SLC4A4: variants seen among roughly 807,000 people sequenced by gnomAD.
SLC4A4 encodes the protein electrogenic sodium bicarbonate cotransporter 1.
SLC4A4 carries 27 observed loss-of-function variants against 111.5 expected under a neutral mutation model. The ratio of observed to expected loss-of-function variants is 0.24; its 90% CI spans 0.18 to 0.33. The LOEUF is 0.33. SLC4A4 is among the 10% of genes least tolerant of loss of function. The pLI is 1.00. For synonymous variants in SLC4A4, 443 were observed against 463.4 expected, an observed-to-expected ratio of 0.96 and a Z score of 0.57; for missense variants, 909 against 1,315.5, an observed-to-expected ratio of 0.69 and a Z score of 4.78.
At chr4:71,112,793 G>A (rs1190774827) in intron 2 of SLC4A4, among the ~76,000 whole-genome samples, 1 of 152,144 alleles carries the variant, frequency 6.6e-6, no homozygotes, top group Non-Finnish European at 1.5e-5. Context: ...CCTGGTTAAT[G>A]GAATAATGTC....
chr4:71,418,525 A>G (rs1394628836), intron 7 of SLC4A4, among the ~76,000 whole-genome samples: 1 of 152,234 alleles, frequency 6.6e-6, no homozygotes, highest in Non-Finnish European at 1.5e-5. Flanking sequence ...TTTGGATTCT[A>G]TGGGCTATCA....
intron 2 of SLC4A4, among the ~76,000 whole-genome samples, chr4:71,254,670 T>G (rs1184839609): frequency 6.6e-6 from 1 of 152,080 alleles, no homozygotes; most frequent in South Asian, 2.1e-4. Flanking sequence ...AAAAAAGTTT[T>G]AATGTAAAGC....
chr4:71,475,187 C>A (rs529391095), intron 14 of SLC4A4, among the ~76,000 whole-genome samples: 127 of 151,774 alleles, frequency 8.4e-4, no homozygotes, highest in African/African-American at 3.0e-3. Flanking sequence ...TTGAGATATT[C>A]ATGAAGCCAG....
chr4:71,158,762 C>A (rs986786161), intron 2 of SLC4A4, among the ~76,000 whole-genome samples: 1 of 152,102 alleles, frequency 6.6e-6, no homozygotes, highest in Non-Finnish European at 1.5e-5. Context: ...TCATTGTGTT[C>A]GTGTTCTGGG....
chr4:71,098,038 A>T (rs1459858436), intron 2 of SLC4A4, among the ~76,000 whole-genome samples: 1 of 152,132 alleles, frequency 6.6e-6, no homozygotes, highest in Non-Finnish European at 1.5e-5. Flanking sequence ...ATTGGATCAC[A>T]TTTGTCAATT....
rs1354866718 is a variant in SLC4A4, at chr4:71,522,356, A to C, written c.2167-9706A>C. Among the ~76,000 whole-genome samples the C allele has an allele frequency of 3.9e-5, 6 of 152,370 alleles. No individual in the cohort carries two copies. In the East Asian group the frequency reaches 1.2e-3, roughly 29 times the overall value. On this transcript the variant is annotated intron_variant, in intron 16 of 25. Coordinates refer to ENST00000264485, the MANE Select transcript of SLC4A4 (RefSeq NM_001098484.3). Reference sequence around the variant, plus strand: ...TGTTCTTCCAGAGTCCTACACCAACAAATGATCATAAACATGGAACAAAGA... The same window carrying C: ...TGTTCTTCCAGAGTCCTACACCAACCAATGATCATAAACATGGAACAAAGA...
chr4:71,300,611 T>C, intron 3 of SLC4A4: 1 of 297,206 alleles, frequency 3.4e-6, no homozygotes, highest in Non-Finnish European at 6.8e-6. Flanking sequence ...CGTCTCTTCA[T>C]GAGCAGCTCT....
chr4:71,266,844 AT>A (rs1281799166), intron 3 of SLC4A4, among the ~76,000 whole-genome samples: 7 of 152,204 alleles, frequency 4.6e-5, no homozygotes, highest in Non-Finnish European at 1.0e-4. Context: ...CTTTAATCCA[AT>A]CTAAGAAATA....
chr4:71,498,669 T>A (rs1438750354), intron 16 of SLC4A4, among the ~76,000 whole-genome samples: 1 of 152,082 alleles, frequency 6.6e-6, no homozygotes, highest in Non-Finnish European at 1.5e-5. Flanking sequence ...AACAGAAGGG[T>A]TGATAATGAA....
chr4:71,292,187 G>A (rs1458794136), intron 3 of SLC4A4, among the ~76,000 whole-genome samples: 1 of 152,182 alleles, frequency 6.6e-6, no homozygotes, highest in African/African-American at 2.4e-5. Flanking sequence ...TAACTTAGGT[G>A]TAATTAGATG....
At chr4:71,394,635 T>C (rs1719632042) in intron 6 of SLC4A4, among the ~76,000 whole-genome samples, 1 of 152,154 alleles carries the variant, frequency 6.6e-6, no homozygotes, top group Admixed American at 6.6e-5. Context: ...AGAACTACTA[T>C]AGCAGCACAA....
chr4:71,298,037 C>T (rs920467089), intron 3 of SLC4A4, among the ~76,000 whole-genome samples: 2 of 152,218 alleles, frequency 1.3e-5, no homozygotes, highest in African/African-American at 2.4e-5. Context: ...TTCTGAGGCT[C>T]TGTTTCCATT....
At chr4:71,494,306 A>G (rs1411004487) in intron 15 of SLC4A4, among the ~76,000 whole-genome samples, 2 of 151,966 alleles carry the variant, frequency 1.3e-5, no homozygotes, top group African/African-American at 2.4e-5. Flanking sequence ...TTGTGTTCCC[A>G]TTTGTCTTGT....
chr4:71,465,650 G>A (rs1258449567), intron 12 of SLC4A4, among the ~76,000 whole-genome samples: 1 of 151,876 alleles, frequency 6.6e-6, no homozygotes, highest in African/African-American at 2.4e-5. Context: ...CCTGAGTGAC[G>A]TGATTAGGAA....
At chr4:71,079,593 T>C (rs763010058) in intron 1 of SLC4A4, among the ~76,000 whole-genome samples, 7 of 151,900 alleles carry the variant, frequency 4.6e-5, no homozygotes, top group Non-Finnish European at 8.8e-5. Context: ...CTGGGCAACA[T>C]AGCAAGACCC....
intron 3 of SLC4A4, among the ~76,000 whole-genome samples, chr4:71,325,265 C>A (rs1481653950): frequency 6.6e-6 from 1 of 151,704 alleles, no homozygotes; most frequent in Non-Finnish European, 1.5e-5. Flanking sequence ...TTGTTCAATG[C>A]AATTAGTTTG....
intron 3 of SLC4A4, among the ~76,000 whole-genome samples, chr4:71,283,800 G>A (rs548408508): frequency 6.6e-6 from 1 of 152,304 alleles, no homozygotes; most frequent in Admixed American, 6.5e-5. Context: ...CTTCCCTGCA[G>A]AGTTCAATGT....
At chr4:71,490,703 C>G (rs1729821082) in intron 15 of SLC4A4, among the ~76,000 whole-genome samples, 1 of 151,716 alleles carries the variant, frequency 6.6e-6, no homozygotes, top group South Asian at 2.1e-4. Context: ...TGTCCAACCC[C>G]CAGTCTTTCG....
At chr4:71,093,609 A>G (rs1484556000) in intron 2 of SLC4A4, among the ~76,000 whole-genome samples, 2 of 152,244 alleles carry the variant, frequency 1.3e-5, no homozygotes, top group East Asian at 1.9e-4. Flanking sequence ...AGCTTCAGCA[A>G]TTTAAACTCC....
Sources: allele counts gnomAD v4.1 joint callset (sites outside exome capture counted in the v4.1 genomes callset), GRCh38; gene constraint gnomAD v4.1.1; transcripts MANE v1.5; gene names NCBI Gene and HGNC (gene_info 2026-07-23, HGNC 2026-07-21).